Variants in DCC observed in about 807,000 individuals in gnomAD.
DCC encodes DCC netrin 1 receptor.
A neutral mutation model predicts 172.5 loss-of-function variants in DCC; 58 were observed. The observed-to-expected ratio is 0.34, with a 90% CI of 0.27 to 0.42. DCC has a LOEUF of 0.42. Ranked by LOEUF, DCC falls within the 10% of genes least tolerant of loss-of-function variation. The pLI is 1.00. For missense variants in DCC, 1,740 were observed against 1,791.0 expected, an observed-to-expected ratio of 0.97 and a Z score of 0.51; for synonymous variants, 709 against 644.5, an observed-to-expected ratio of 1.10 and a Z score of -1.52.
intron 5 of DCC, among the ~76,000 whole-genome samples, chr18:52,985,803 T>G (rs977268547): frequency 1.3e-5 from 2 of 152,156 alleles, no homozygotes; most frequent in Non-Finnish European, 2.9e-5. Context: ...TTCAACTATT[T>G]AAGCTTTTCT....
chr18:52,834,864 C>T (rs1388481448), intron 2 of DCC, among the ~76,000 whole-genome samples: 1 of 151,892 alleles, frequency 6.6e-6, no homozygotes, highest in Non-Finnish European at 1.5e-5. Context: ...AAAAAAATGA[C>T]TGGTACAATT....
chr18:53,509,156 A>C (rs936588995), intron 27 of DCC, among the ~76,000 whole-genome samples: 1 of 152,254 alleles, frequency 6.6e-6, no homozygotes, highest in African/African-American at 2.4e-5. Flanking sequence ...AAAGAGAATC[A>C]ATAGCAAAGC....
At chr18:53,053,270 C>T (rs2144045418) in intron 5 of DCC, among the ~76,000 whole-genome samples, 1 of 152,234 alleles carries the variant, frequency 6.6e-6, no homozygotes, top group East Asian at 1.9e-4. Context: ...AGACTTTCCC[C>T]CAAATTTCAG....
chr18:52,848,020 G>A (rs1490152772), intron 2 of DCC, among the ~76,000 whole-genome samples: 3 of 151,728 alleles, frequency 2.0e-5, no homozygotes, highest in African/African-American at 4.8e-5. Context: ...AACCAGGAAG[G>A]TAGCTTTTAT....
intron 8 of DCC, among the ~76,000 whole-genome samples, chr18:53,170,363 C>G (rs1387727398): frequency 6.6e-6 from 1 of 152,144 alleles, no homozygotes; most frequent in African/African-American, 2.4e-5. Flanking sequence ...TGTAGTTATG[C>G]TCACTCTTTT....
intron 2 of DCC, among the ~76,000 whole-genome samples, chr18:52,887,746 C>A (rs1045077128): frequency 1.3e-5 from 2 of 152,124 alleles, no homozygotes; most frequent in African/African-American, 4.8e-5. Flanking sequence ...TATCCAGTTT[C>A]ATAGTATAGC....
At chr18:52,640,418 C>T (rs562727048) in intron 1 of DCC, among the ~76,000 whole-genome samples, 3 of 152,242 alleles carry the variant, frequency 2.0e-5, no homozygotes, top group African/African-American at 4.8e-5. Flanking sequence ...GGAAGTTGAA[C>T]TGTCACTGTT....
chr18:52,801,763 T>A (rs536044630), intron 2 of DCC, among the ~76,000 whole-genome samples: 1 of 152,322 alleles, frequency 6.6e-6, no homozygotes, highest in Admixed American at 6.5e-5. Flanking sequence ...TGGAACTGTT[T>A]GTAAAATGCT....
chr18:52,449,490 G>C (rs1988232821), intron 1 of DCC, among the ~76,000 whole-genome samples: 1 of 152,218 alleles, frequency 6.6e-6, no homozygotes, highest in South Asian at 2.1e-4. Flanking sequence ...CTGAGTTGCA[G>C]TTACAGTAAA....
At chr18:52,939,362 A>AT (rs2040427084) in intron 5 of DCC, among the ~76,000 whole-genome samples, 1 of 151,888 alleles carries the variant, frequency 6.6e-6, no homozygotes, top group Non-Finnish European at 1.5e-5. Flanking sequence ...TTATGCAGTT[A>AT]TTTATTTTCC....
rs2046457563 is a variant in DCC, at chr18:53,526,550, T to A, written c.4112-67T>A. 6.6e-6 allele frequency: 10 copies of A among 1,505,394 alleles called. No homozygotes were observed. In the South Asian group the frequency reaches 1.1e-4, roughly 17 times the overall value. 93.3% of individuals were successfully genotyped at this position (1,505,394 alleles called of 1,614,324 possible). On this transcript the variant is annotated intron_variant, in intron 27 of 28. Coordinates refer to ENST00000442544, the MANE Select transcript of DCC (RefSeq NM_005215.4). ...ATGCCAATCTCCTGGATATGGTGTA[T>A]ATACTTGAGAAAGTGTTCTGCAGAA...
rs1191609877 is a variant in DCC at position 53,105,913 on chromosome 18, G to A, written c.1261+39747G>A. 4.6e-5 allele frequency among the ~76,000 whole-genome samples: 7 copies of A among 151,372 alleles called. No homozygotes were observed. The South Asian group carries it at 8.3e-4, about 18-fold the overall frequency. On this transcript the variant is annotated intron_variant, in intron 7 of 28. Transcript: ENST00000442544. ...TTTAGTATATTTGTGAGTGATGCCTGAGGCATTTTGTCTGTTCGCCTTCTT... is the reference window on the plus strand; with the variant it reads ...TTTAGTATATTTGTGAGTGATGCCTAAGGCATTTTGTCTGTTCGCCTTCTT...
At chr18:53,026,736 AT>A (rs201558295) in intron 5 of DCC, among the ~76,000 whole-genome samples, 11 of 150,730 alleles carry the variant, frequency 7.3e-5, no homozygotes, top group East Asian at 2.0e-4. Context: ...TTTTACTTTT[AT>A]TTTTTTTTAT....
intron 1 of DCC, among the ~76,000 whole-genome samples, chr18:52,463,288 C>T (rs1287161153): frequency 6.6e-6 from 1 of 151,974 alleles, no homozygotes; most frequent in Non-Finnish European, 1.5e-5. Flanking sequence ...TGGCCTTTTC[C>T]TCCTGACTTT....
intron 2 of DCC, among the ~76,000 whole-genome samples, chr18:52,837,329 G>A (rs1462417601): frequency 2.0e-5 from 3 of 152,202 alleles, no homozygotes; most frequent in African/African-American, 7.2e-5. Context: ...CCCAGAAAAT[G>A]GGTTGTTAAT....
intron 28 of DCC, among the ~76,000 whole-genome samples, chr18:53,529,055 C>A (rs933476501): frequency 6.7e-6 from 1 of 149,996 alleles, no homozygotes; most frequent in Non-Finnish European, 1.5e-5. Context: ...CACACACACA[C>A]ACACACACAC....
chr18:52,871,252 GA>G (rs567719469), intron 2 of DCC, among the ~76,000 whole-genome samples: 7 of 151,870 alleles, frequency 4.6e-5, no homozygotes, highest in Non-Finnish European at 1.0e-4. Flanking sequence ...TGGAAACCAA[GA>G]GAGTGTGCTC....
chr18:53,363,097 A>T (rs948272676), intron 15 of DCC, among the ~76,000 whole-genome samples: 1 of 152,142 alleles, frequency 6.6e-6, no homozygotes, highest in African/African-American at 2.4e-5. Context: ...CTTGTACCAA[A>T]TCCCTTAGCT....
chr18:52,923,302 G>A (rs1454228610), intron 3 of DCC, among the ~76,000 whole-genome samples: 1 of 152,068 alleles, frequency 6.6e-6, no homozygotes, highest in Non-Finnish European at 1.5e-5. Context: ...TATTTTCCAA[G>A]CCACAGAAGC....
Sources: allele counts gnomAD v4.1 joint callset (sites outside exome capture counted in the v4.1 genomes callset), GRCh38; gene constraint gnomAD v4.1.1; transcripts MANE v1.5; gene names NCBI Gene and HGNC (gene_info 2026-07-23, HGNC 2026-07-21).